GPHN: variants seen among roughly 807,000 people sequenced by gnomAD.
GPHN encodes gephyrin.
In GPHN, 17 loss-of-function variants were observed where a neutral mutation model predicts 95.5. That is an observed-to-expected ratio of 0.18 (90% CI 0.12 to 0.27). GPHN has a LOEUF of 0.27. Ranked by LOEUF, GPHN falls within the 10% of genes least tolerant of loss-of-function variation. The probability of loss-of-function intolerance (pLI) is 1.00; values close to 1 mark genes in which losing one functional copy is unlikely to be tolerated. For missense variants in GPHN, 660 were observed against 978.1 expected, an observed-to-expected ratio of 0.67 and a Z score of 4.34; for synonymous variants, 320 against 322.5, an observed-to-expected ratio of 0.99 and a Z score of 0.08.
the GPHN span, chr14:67,200,262 A>C: frequency 1.3e-6 from 1 of 790,138 alleles, no homozygotes; most frequent in Non-Finnish European, 2.0e-6. Flanking sequence ...TCTCCCTCCA[A>C]CCAGGCCCAC....
chr14:67,133,268 C>T (rs1432539564), intron 17 of GPHN, among the ~76,000 whole-genome samples: 2 of 152,224 alleles, frequency 1.3e-5, no homozygotes, highest in African/African-American at 4.8e-5. Context: ...TAGACTTTTT[C>T]TCTGTGTCAT....
chr14:66,525,909 T>G (rs946302887), intron 1 of GPHN, among the ~76,000 whole-genome samples: 1 of 152,186 alleles, frequency 6.6e-6, no homozygotes, highest in African/African-American at 2.4e-5. Flanking sequence ...TAGTTTGAAG[T>G]CAGTTAGCAT....
the GPHN span, among the ~76,000 whole-genome samples, chr14:67,464,489 G>T: frequency 1.3e-5 from 2 of 151,758 alleles, no homozygotes; most frequent in Admixed American, 1.3e-4. Flanking sequence ...TCTCTCACCT[G>T]CATCCTGTAC....
At chr14:66,817,753 C>T (rs922564715) in intron 3 of GPHN, among the ~76,000 whole-genome samples, 19 of 152,146 alleles carry the variant, frequency 1.2e-4, no homozygotes, top group African/African-American at 4.6e-4. Context: ...AATGGTCACC[C>T]ATCATTCCCT....
chr14:66,664,972 A>C (rs187662574), intron 1 of GPHN, among the ~76,000 whole-genome samples: 1 of 149,924 alleles, frequency 6.7e-6, no homozygotes, highest in East Asian at 1.9e-4. Context: ...TGAGGCAGCA[A>C]TAAATAGCCT....
At chr14:67,695,707 T>C in the GPHN span, 22 of 1,613,486 alleles carry the variant, frequency 1.4e-5, no homozygotes, top group Admixed American at 1.5e-4. Context: ...CAACCATCTC[T>C]GCCGGCTGCA....
chr14:66,871,284 G>A (rs192294264), intron 4 of GPHN, among the ~76,000 whole-genome samples: 26 of 152,234 alleles, frequency 1.7e-4, no homozygotes, highest in Admixed American at 1.5e-3. Context: ...TCAGCTATCT[G>A]TTGATATTTC....
the GPHN span, among the ~76,000 whole-genome samples, chr14:67,528,550 T>C: frequency 3.3e-5 from 5 of 152,200 alleles, no homozygotes; most frequent in South Asian, 4.1e-4. Flanking sequence ...AACTAGGATG[T>C]TGCAAACTCT....
the GPHN span, chr14:67,684,440 A>T: frequency 2.0e-5 from 3 of 152,230 alleles, no homozygotes; most frequent in Non-Finnish European, 4.4e-5. Context: ...GCTCCATTAT[A>T]TGCAGGCTCA....
At chr14:66,712,950 A>T (rs1217655998) in intron 2 of GPHN, among the ~76,000 whole-genome samples, 1 of 152,058 alleles carries the variant, frequency 6.6e-6, no homozygotes, top group Non-Finnish European at 1.5e-5. Flanking sequence ...TCTTCTTTTG[A>T]GAATTGTCTA....
chr14:66,989,164 C>T (rs1487101268), intron 9 of GPHN, among the ~76,000 whole-genome samples: 1 of 151,888 alleles, frequency 6.6e-6, no homozygotes, highest in Non-Finnish European at 1.5e-5. Context: ...TTGAGCTACT[C>T]TTTGTTTTCT....
chr14:66,874,205 A>G lies in GPHN; in HGVS notation c.295-5734A>G, dbSNP rs1010709745. ...AAACTAATGAACAGAGAGGAATAGC[A>G]TCAACATCAACAAAAAGGATTTCCA... On this transcript the variant is annotated intron_variant, in intron 4 of 22. Transcript: ENST00000478722. 2.0e-5 allele frequency among the ~76,000 whole-genome samples: 3 copies of G among 152,340 alleles called. 1 individual carries two copies. The East Asian group carries it at 5.8e-4, about 29-fold the overall frequency.
chr14:67,639,924 CAA>C, the GPHN span, among the ~76,000 whole-genome samples: 182 of 61,804 alleles, frequency 2.9e-3, no homozygotes, highest in African/African-American at 9.2e-3. Flanking sequence ...GACCCTGTCT[CAA>C]AAAAAAAAAA....
the GPHN span, chr14:67,642,381 C>A: frequency 3.5e-5 from 57 of 1,612,130 alleles, no homozygotes; most frequent in Non-Finnish European, 4.8e-5. Flanking sequence ...GGGAGCCAGG[C>A]GTGGTGAGGG....
intron 1 of GPHN, among the ~76,000 whole-genome samples, chr14:66,671,492 T>C (rs1334549589): frequency 6.6e-6 from 1 of 152,218 alleles, no homozygotes; most frequent in Non-Finnish European, 1.5e-5. Context: ...TTGAAAGTAC[T>C]TAGAATTCAA....
At chr14:66,553,872 G>A (rs954948644) in intron 1 of GPHN, among the ~76,000 whole-genome samples, 1 of 152,120 alleles carries the variant, frequency 6.6e-6, no homozygotes, top group Non-Finnish European at 1.5e-5. Flanking sequence ...ACCACCCCCA[G>A]CCTCAGTTAT....
At chr14:67,556,535 T>A in the GPHN span, among the ~76,000 whole-genome samples, 14 of 152,104 alleles carry the variant, frequency 9.2e-5, no homozygotes, top group Admixed American at 7.9e-4. Flanking sequence ...TGCCTCAACC[T>A]CCCAAAGTGC....
chr14:66,640,177 T>C (rs555804882), intron 1 of GPHN, among the ~76,000 whole-genome samples: 169 of 152,266 alleles, frequency 1.1e-3, no homozygotes, highest in Non-Finnish European at 2.0e-3. Flanking sequence ...TCCCAGCACT[T>C]TGGGAGGCTG....
intron 21 of GPHN, among the ~76,000 whole-genome samples, chr14:67,170,706 C>T (rs1345977904): frequency 6.6e-6 from 1 of 152,196 alleles, no homozygotes; most frequent in Non-Finnish European, 1.5e-5. Context: ...ATGCCTTTCT[C>T]CCACAGCAGT....
Sources: gnomAD v4.1 joint callset for allele counts (sites outside exome capture counted in the v4.1 genomes callset) on GRCh38, gnomAD v4.1.1 for gene constraint, MANE v1.5 for transcripts, NCBI Gene and HGNC (gene_info 2026-07-23, HGNC 2026-07-21) for gene names.